MEGF10: variants seen among roughly 807,000 people sequenced by gnomAD.
MEGF10 encodes multiple epidermal growth factor-like domains protein 10.
MEGF10 carries 86 observed loss-of-function variants against 147.5 expected under a neutral mutation model. The ratio of observed to expected loss-of-function variants is 0.58; its 90% CI spans 0.49 to 0.70. The LOEUF (loss-of-function observed/expected upper bound fraction) is 0.70. Ranked by LOEUF, MEGF10 falls within the 30% of genes least tolerant of loss-of-function variation. The pLI, the probability that MEGF10 is intolerant of heterozygous loss-of-function variation, is 0.00. For missense variants in MEGF10, 1,329 were observed against 1,487.3 expected (o/e 0.89, Z 1.75); for synonymous variants, 478 against 525.5 (o/e 0.91, Z 1.24).
At chr5:127,274,864 A>T in the MEGF10 span, among the ~76,000 whole-genome samples, 2 of 152,104 alleles carry the variant, frequency 1.3e-5, no homozygotes, top group African/African-American at 4.8e-5. Context: ...TTTATTTACC[A>T]TTTTTTTCTA....
intron 5 of MEGF10, among the ~76,000 whole-genome samples, chr5:127,394,464 G>A (rs1055025217): frequency 1.3e-5 from 2 of 152,032 alleles, no homozygotes; most frequent in Non-Finnish European, 2.9e-5. Flanking sequence ...TAGCTCATAC[G>A]GAATGATTTT....
At chr5:127,262,580 C>T in the MEGF10 span, among the ~76,000 whole-genome samples, 2 of 152,134 alleles carry the variant, frequency 1.3e-5, no homozygotes, top group Admixed American at 1.3e-4. Context: ...AGGCCACATG[C>T]CTCCTTTTGT....
rs202106748 is a variant in MEGF10 at position 127,420,086 on chromosome 5, C to T, written c.1469C>T (p.Thr490Ile). 1 of 1,614,198 alleles carries T rather than the reference C, an allele frequency of 6.2e-7. No individual in the cohort carries two copies. The stretch of plus-strand genomic sequence containing the variant: ...TGCTCCATCAGATGTCCCAGTGGCA[C>T]ATGGGGCTTTGGCTGTAACTTAACA... The part of the protein sequence containing the change: ...VDCSIRCPSG[T>I]WGFGCNLTCQ... The change falls in exon 12 of 25, where the codon ACA becomes ATA. Residue 490 changes from threonine (T) to isoleucine (I), a missense_variant. Thr to Ile is a moderately conservative substitution (Grantham distance 89, BLOSUM62 -1). Transcript: ENST00000503335.
intron 12 of MEGF10, among the ~76,000 whole-genome samples, chr5:127,421,345 A>T (rs994374627): frequency 6.6e-6 from 1 of 152,114 alleles, no homozygotes; most frequent in African/African-American, 2.4e-5. Flanking sequence ...TCTTTTTCTT[A>T]TTTTAACAAG....
At chr5:127,434,864 C>A in intron 15 of MEGF10, 43 bp downstream of exon 15, 2 of 1,589,372 alleles carry the variant, frequency 1.3e-6, no homozygotes, top group Middle Eastern at 1.7e-4. Flanking sequence ...GTGATGAGCA[C>A]GCCCCGGAGA....
chr5:127,388,437 C>A (rs1458185033), intron 5 of MEGF10, among the ~76,000 whole-genome samples: 1 of 152,130 alleles, frequency 6.6e-6, no homozygotes, highest in Non-Finnish European at 1.5e-5. Flanking sequence ...GCGTAAGCCA[C>A]CATGCCCAGC....
In MEGF10 at chr5:127,414,907, G is replaced by A. The variant is rs80194031; in HGVS notation, c.1131-2731G>A. Among the ~76,000 whole-genome samples the A allele has an allele frequency of 1.2e-3, 181 of 152,296 alleles. 1 individual carries two copies. Among genetic ancestry groups the A allele is most frequent in the African/African-American group, 4.2e-3 (176 of 41,548 alleles). On this transcript the variant is annotated intron_variant, in intron 9 of 24. Transcript: ENST00000503335. The stretch of plus-strand genomic sequence containing the variant: ...AGAAGGATCAGGGTGGTAAGGAAGA[G>A]TGTAAGTGGAGAGACCTACCTTCAA...
At chr5:127,320,697 T>C (rs1409602120) in intron 1 of MEGF10, among the ~76,000 whole-genome samples, 1 of 152,230 alleles carries the variant, frequency 6.6e-6, no homozygotes, top group African/African-American at 2.4e-5. Flanking sequence ...CTACTTATAC[T>C]TCCTCAGCAG....
At chr5:127,341,748 T>C (rs1247644036) in intron 4 of MEGF10, among the ~76,000 whole-genome samples, 1 of 152,192 alleles carries the variant, frequency 6.6e-6, no homozygotes, top group African/African-American at 2.4e-5. Flanking sequence ...TGTGAATATT[T>C]TTCCTGGTCA....
chr5:127,321,136 G>A (rs959971677), intron 1 of MEGF10, among the ~76,000 whole-genome samples: 1 of 152,216 alleles, frequency 6.6e-6, no homozygotes, highest in African/African-American at 2.4e-5. Context: ...AGAGAACTGA[G>A]TTCTGGGTTC....
At chr5:127,319,618 T>G (rs1211179791) in intron 1 of MEGF10, among the ~76,000 whole-genome samples, 1 of 152,184 alleles carries the variant, frequency 6.6e-6, no homozygotes, top group Non-Finnish European at 1.5e-5. Context: ...CTACCATGCT[T>G]GTATCTAATC....
chr5:127,417,814 T>C lies in MEGF10; in HGVS notation c.1305+2T>C. ...TGCACCTGTGCCCCAGGATTCAAAG[T>C]GAGTGACTAGGGCTCTGGAGGAAGG... On this transcript the variant is annotated splice_donor_variant, in intron 10 of 24. Transcript: ENST00000503335. LOFTEE classifies it high-confidence loss of function. The C allele has an allele frequency of 6.2e-7, 1 of 1,613,552 alleles. No individual in the cohort carries two copies.
chr5:127,247,288 G>T, the MEGF10 span, among the ~76,000 whole-genome samples: 1 of 115,918 alleles, frequency 8.6e-6, no homozygotes, highest in Non-Finnish European at 1.8e-5. Flanking sequence ...TGTGGTTGGG[G>T]GGTGGGGGAG....
At chr5:127,275,166 G>A in the MEGF10 span, among the ~76,000 whole-genome samples, 3 of 152,190 alleles carry the variant, frequency 2.0e-5, no homozygotes, top group South Asian at 2.1e-4. Flanking sequence ...ACCATAAAAC[G>A]AAAGTTAAAG....
chr5:127,330,200 C>A (rs1469521826), intron 1 of MEGF10, among the ~76,000 whole-genome samples: 3 of 152,174 alleles, frequency 2.0e-5, no homozygotes, highest in Non-Finnish European at 4.4e-5. Flanking sequence ...CTTCCTGCAA[C>A]CCCATTGCTG....
intron 5 of MEGF10, among the ~76,000 whole-genome samples, chr5:127,387,413 C>T (rs964551755): frequency 2.0e-5 from 3 of 152,162 alleles, no homozygotes; most frequent in Admixed American, 6.5e-5. Context: ...TTCTGATGAA[C>T]CTGCTGCTAC....
chr5:127,257,977 G>A, the MEGF10 span, among the ~76,000 whole-genome samples: 1 of 152,098 alleles, frequency 6.6e-6, no homozygotes, highest in African/African-American at 2.4e-5. Context: ...GCTATCAAGT[G>A]CTCAACTAAA....
the MEGF10 span, among the ~76,000 whole-genome samples, chr5:127,269,918 G>A: frequency 5.9e-5 from 9 of 152,224 alleles, no homozygotes; most frequent in African/African-American, 1.4e-4. Flanking sequence ...AGAGAGTGGG[G>A]GCCAATAGTC....
At chr5:127,441,606 C>T (rs1177055699) in intron 18 of MEGF10, among the ~76,000 whole-genome samples, 1 of 152,080 alleles carries the variant, frequency 6.6e-6, no homozygotes, top group East Asian at 1.9e-4. Context: ...TCAGTATTCA[C>T]GATAAATAAA....
Sources: allele counts gnomAD v4.1 joint callset (sites outside exome capture counted in the v4.1 genomes callset), GRCh38; gene constraint gnomAD v4.1.1; transcripts MANE v1.5; gene names NCBI Gene and HGNC (gene_info 2026-07-23, HGNC 2026-07-21).